Variants in PEAK1 observed in about 807,000 individuals in gnomAD.
PEAK1 encodes the protein inactive tyrosine-protein kinase PEAK1.
A neutral mutation model predicts 124.7 loss-of-function variants in PEAK1; 54 were observed. That is an observed-to-expected ratio of 0.43 (90% CI 0.35 to 0.54). The LOEUF is 0.54. Among genes scored for constraint, PEAK1 ranks in the 20% least tolerant of loss-of-function variants. PEAK1 has a pLI of 0.01. For missense variants in PEAK1, 2,046 were observed against 2,134.5 expected (o/e 0.96, Z 0.82); for synonymous variants, 719 against 760.0 (o/e 0.95, Z 0.89).
At chr15:77,353,955 A>G (rs1021906715) in intron 2 of PEAK1, among the ~76,000 whole-genome samples, 6 of 152,198 alleles carry the variant, frequency 3.9e-5, no homozygotes, top group Admixed American at 1.3e-4. Flanking sequence ...TTTCTTCTTC[A>G]TGATCTTCTT....
intron 6 of PEAK1, among the ~76,000 whole-genome samples, chr15:77,187,674 T>C (rs1039934694): frequency 6.6e-6 from 1 of 152,160 alleles, no homozygotes; most frequent in Non-Finnish European, 1.5e-5. Flanking sequence ...ATTCTGTGAC[T>C]CCCGAAGCCC....
At chr15:77,258,305 A>C (rs1033636472) in intron 5 of PEAK1, among the ~76,000 whole-genome samples, 43 of 152,106 alleles carry the variant, frequency 2.8e-4, no homozygotes, top group Admixed American at 4.6e-4. Flanking sequence ...TGAATCTATA[A>C]ATTACCTTGG....
intron 2 of PEAK1, among the ~76,000 whole-genome samples, chr15:77,341,268 G>A (rs1056457692): frequency 6.6e-6 from 1 of 152,086 alleles, no homozygotes; most frequent in East Asian, 1.9e-4. Context: ...TACTTTGGGA[G>A]GCGGGTGGAT....
chr15:77,269,248 C>T (rs983194490), intron 5 of PEAK1, among the ~76,000 whole-genome samples: 2 of 152,260 alleles, frequency 1.3e-5, no homozygotes, highest in Middle Eastern at 3.4e-3. Flanking sequence ...AATTCAGTAA[C>T]TAAGTATCTG....
In PEAK1 at chr15:77,267,813, C is replaced by T. The variant is rs911698799; in HGVS notation, c.-274-15287G>A. ...ATAGACAAAACAAGGTTCTTTAACACCCCCAAAAAATCACACTAACTCACC... is the reference window on the plus strand; with the variant it reads ...ATAGACAAAACAAGGTTCTTTAACATCCCCAAAAAATCACACTAACTCACC... On this transcript the variant is annotated intron_variant, in intron 5 of 9. Coordinates refer to ENST00000682557, the MANE Select transcript of PEAK1 (RefSeq NM_001385026.1). 3.3e-5 allele frequency among the ~76,000 whole-genome samples: 5 copies of T among 152,028 alleles called. No homozygotes were observed. In the South Asian group the frequency reaches 1.0e-3, roughly 32 times the overall value.
At chr15:77,161,888 C>T (rs1391452372) in intron 7 of PEAK1, among the ~76,000 whole-genome samples, 1 of 148,406 alleles carries the variant, frequency 6.7e-6, no homozygotes, top group Non-Finnish European at 1.5e-5. Context: ...ATTGCTTGAA[C>T]TCAGGGGGCA....
chr15:77,243,434 C>A (rs960645424), intron 6 of PEAK1, among the ~76,000 whole-genome samples: 4 of 152,200 alleles, frequency 2.6e-5, no homozygotes, highest in African/African-American at 9.6e-5. Context: ...TTATTTATTT[C>A]TTTCCACTTT....
chr15:77,266,080 C>T (rs973979532), intron 5 of PEAK1, among the ~76,000 whole-genome samples: 1 of 151,122 alleles, frequency 6.6e-6, no homozygotes, highest in African/African-American at 2.4e-5. Flanking sequence ...GGAAGGGGAA[C>T]ATCACACTCT....
intron 6 of PEAK1, among the ~76,000 whole-genome samples, chr15:77,238,768 T>C (rs2060233454): frequency 6.6e-6 from 1 of 152,208 alleles, no homozygotes. Flanking sequence ...AGTACTCCCT[T>C]GGCTTTTAAA....
chr15:77,268,054 A>T (rs1285352894), intron 5 of PEAK1, among the ~76,000 whole-genome samples: 1 of 152,236 alleles, frequency 6.6e-6, no homozygotes, highest in Non-Finnish European at 1.5e-5. Flanking sequence ...ACACTTAGAG[A>T]ATTGCAAAAT....
chr15:77,138,535 C>T (rs1438386022), intron 8 of PEAK1, among the ~76,000 whole-genome samples: 1 of 152,140 alleles, frequency 6.6e-6, no homozygotes, highest in Non-Finnish European at 1.5e-5. Flanking sequence ...TATAATAACA[C>T]TTAGCTTAAG....
intron 5 of PEAK1, among the ~76,000 whole-genome samples, chr15:77,273,020 T>C (rs1446362720): frequency 4.6e-5 from 7 of 152,156 alleles, no homozygotes; most frequent in Non-Finnish European, 1.0e-4. Flanking sequence ...CACATGATCA[T>C]CTCAATAGAT....
In PEAK1 at chr15:77,276,138, A is replaced by T. The variant is rs181275549; in HGVS notation, c.-275+7745T>A. Among the ~76,000 whole-genome samples, 220 of 152,322 alleles carry T rather than the reference A, an allele frequency of 1.4e-3. 2 individuals carry two copies. Among genetic ancestry groups the T allele is most frequent in the African/African-American group, 4.9e-3 (202 of 41,588 alleles). ...ATAATAAAAGATGAATATTCATGTC[A>T]TCAGAGTCTCAAAAGGAAAGGAGAA... On this transcript the variant is annotated intron_variant, in intron 5 of 9. Coordinates refer to ENST00000682557, the MANE Select transcript of PEAK1 (RefSeq NM_001385026.1).
intron 1 of PEAK1, among the ~76,000 whole-genome samples, chr15:77,400,430 G>T (rs901571104): frequency 6.6e-6 from 1 of 151,982 alleles, no homozygotes; most frequent in Non-Finnish European, 1.5e-5. Context: ...CAACAGAAAC[G>T]GATAAAGAAA....
At chr15:77,323,632 G>C (rs2065381844) in intron 2 of PEAK1, among the ~76,000 whole-genome samples, 1 of 152,200 alleles carries the variant, frequency 6.6e-6, no homozygotes, top group African/African-American at 2.4e-5. Context: ...TGAAATTAAA[G>C]AGGATACCAA....
chr15:77,254,123 C>G (rs1567171521), intron 5 of PEAK1, among the ~76,000 whole-genome samples: 1 of 152,034 alleles, frequency 6.6e-6, no homozygotes, highest in East Asian at 1.9e-4. Flanking sequence ...CCTGGCCTAT[C>G]TTTGGACTTT....
chr15:77,316,213 G>C (rs1316194682), intron 2 of PEAK1, among the ~76,000 whole-genome samples: 2 of 151,992 alleles, frequency 1.3e-5, no homozygotes, highest in Non-Finnish European at 2.9e-5. Context: ...ATACCCAACA[G>C]GTTTAGTTTT....
intron 1 of PEAK1, among the ~76,000 whole-genome samples, chr15:77,378,319 T>C (rs1217036585): frequency 2.0e-5 from 3 of 152,020 alleles, no homozygotes; most frequent in South Asian, 4.1e-4. Context: ...TAGTAAACTA[T>C]TGAAAGATCA....
chr15:77,366,445 T>C (rs1321608235), intron 1 of PEAK1, among the ~76,000 whole-genome samples: 2 of 152,156 alleles, frequency 1.3e-5, no homozygotes, highest in Non-Finnish European at 2.9e-5. Flanking sequence ...TAGGCTATAC[T>C]GACAGCTACA....
Sources: allele counts gnomAD v4.1 joint callset (sites outside exome capture counted in the v4.1 genomes callset), GRCh38; gene constraint gnomAD v4.1.1; transcripts MANE v1.5; gene names NCBI Gene and HGNC (gene_info 2026-07-23, HGNC 2026-07-21).